The following SMAD9 variants were observed in gnomAD, a reference collection of about 807,000 sequenced individuals.
SMAD9 encodes the protein SMAD family member 9.
Under a neutral mutation model 46.1 loss-of-function variants are expected in SMAD9, and 36 were observed. That is an observed-to-expected ratio of 0.78 (90% CI 0.60 to 1.03). SMAD9 has a LOEUF of 1.03. SMAD9 is among the 50% of genes least tolerant of loss of function. SMAD9 has a pLI of 0.00. For synonymous variants in SMAD9, 245 were observed against 237.1 expected, an observed-to-expected ratio of 1.03 and a Z score of -0.31; for missense variants, 572 against 599.8, an observed-to-expected ratio of 0.95 and a Z score of 0.48.
chr13:36,855,056 A>C (rs1377381797), intron 5 of SMAD9, among the ~76,000 whole-genome samples: 1 of 152,020 alleles, frequency 6.6e-6, no homozygotes, highest in Non-Finnish European at 1.5e-5. Context: ...AAGGTAGGTG[A>C]ATCACTTGAG....
At position 36,865,557 on chromosome 13, in the gene SMAD9, G is replaced by A. The variant is rs2138380209; in HGVS notation, c.983C>T (p.Thr328Ile). ...CTTACCCTTTCCTATATGTCTCCTG[G>A]TATTTTCTATCGTTGAGTTTCTGTT... ...NVNRNSTIEN[T>I]RRHIGKGVHL... The change falls in exon 5 of 7, where the codon ACC (threonine) becomes ATC (isoleucine). Residue 328 changes from threonine to isoleucine, a missense_variant. Transcript: ENST00000379826. 6.2e-7 allele frequency: 1 copy of A among 1,613,328 alleles called. No homozygotes were observed. Among genetic ancestry groups the A allele is most frequent in the Non-Finnish European group, 8.5e-7 (1 of 1,179,358 alleles).
In SMAD9 at chr13:36,853,466, C is replaced by A; in HGVS notation, c.1213G>T (p.Val405Leu). The A allele has an allele frequency of 1.2e-6, 2 of 1,614,058 alleles. No homozygotes were observed. The highest frequency in any genetic ancestry group is 1.7e-6 in the Non-Finnish European group (2 of 1,179,980). The stretch of plus-strand genomic sequence containing the variant: ...GTACACATCTTGGTCAGTTCATACA[C>A]GACTTCAAAGCCGTGGTGAACTGAC... ...AQSVHHGFEV[V>L]YELTKMCTIR... Residue 405 changes from valine to leucine, a missense_variant, in exon 6 of 7, where the codon GTG (valine) becomes TTG (leucine). Coordinates refer to ENST00000379826, the MANE Select transcript of SMAD9 (RefSeq NM_001127217.3).
intron 1 of SMAD9, among the ~76,000 whole-genome samples, chr13:36,899,437 A>T (rs1376155686): frequency 6.6e-6 from 1 of 152,202 alleles, no homozygotes; most frequent in Admixed American, 6.5e-5. Flanking sequence ...TACATGAAAA[A>T]GTATGTAGAA....
rs372569783 is a variant in SMAD9, at chr13:36,879,718, C to G, written c.-29G>C. ...AGGCCACAGCAGGCTCCGGCGCGCACGGGAACCGCACAGCCCTTCACGGCA... is the reference window on the plus strand; with the variant it reads ...AGGCCACAGCAGGCTCCGGCGCGCAGGGGAACCGCACAGCCCTTCACGGCA... On this transcript the variant is annotated 5_prime_UTR_variant, in exon 2 of 7. Transcript: ENST00000379826. 4 of 1,612,188 alleles carry G rather than the reference C, an allele frequency of 2.5e-6. No individual in the cohort carries two copies. In the African/African-American group the frequency reaches 4.0e-5, roughly 16 times the overall value.
At chr13:36,909,340 T>TAATA (rs2058642390) in intron 1 of SMAD9, among the ~76,000 whole-genome samples, 1 of 152,202 alleles carries the variant, frequency 6.6e-6, no homozygotes, top group Non-Finnish European at 1.5e-5. Context: ...TTTTTCCATG[T>TAATA]AATAGTCTGA....
At chr13:36,866,735 G>A (rs964494364) in intron 4 of SMAD9, among the ~76,000 whole-genome samples, 3 of 152,120 alleles carry the variant, frequency 2.0e-5, no homozygotes, top group Non-Finnish European at 4.4e-5. Context: ...GCATTACAAG[G>A]AAGCTTAACA....
rs1421691179 is a variant in SMAD9, at chr13:36,847,671, A to G, written c.*1005T>C. On this transcript the variant is annotated 3_prime_UTR_variant, in exon 7 of 7. Coordinates refer to ENST00000379826, the MANE Select transcript of SMAD9 (RefSeq NM_001127217.3). Reference sequence around the variant, plus strand: ...ATCTGCAAAGAGTTAATATTTGCCAAGAGGCAGGAAAACGTGGCGAAAGAG... The same window carrying G: ...ATCTGCAAAGAGTTAATATTTGCCAGGAGGCAGGAAAACGTGGCGAAAGAG... 4 of 152,258 alleles carry G rather than the reference A, an allele frequency of 2.6e-5. No individual in the cohort carries two copies. Among genetic ancestry groups the G allele is most frequent in the Admixed American group, 2.6e-4 (4 of 15,284 alleles). The allele number at this position is 152,258 out of a possible 1,614,324, so 9.4% of individuals were successfully genotyped here. A position where few individuals can be genotyped will look rare whatever the true frequency, so the allele number is the denominator to read the frequency against.
At chr13:36,919,010 A>C (rs2058719823) in intron 1 of SMAD9, among the ~76,000 whole-genome samples, 1 of 152,180 alleles carries the variant, frequency 6.6e-6, no homozygotes, top group South Asian at 2.1e-4. Flanking sequence ...GTACTAGTAA[A>C]CTGGATCCAT....
chr13:36,893,758 T>C (rs2058507354), intron 1 of SMAD9, among the ~76,000 whole-genome samples: 1 of 152,048 alleles, frequency 6.6e-6, no homozygotes, highest in Non-Finnish European at 1.5e-5. Flanking sequence ...TTAAATTTCA[T>C]TTTAAAAATC....
At position 36,846,803 on chromosome 13, in the gene SMAD9, CA is replaced by C. The variant is rs1256289846; in HGVS notation, c.*1872del. The C allele has an allele frequency of 2.0e-5, 3 of 152,172 alleles. No homozygotes were observed. Among genetic ancestry groups the C allele is most frequent in the African/African-American group, 7.2e-5 (3 of 41,450 alleles). 9.4% of individuals were successfully genotyped at this position (152,172 alleles called of 1,614,324 possible). On this transcript the variant is annotated 3_prime_UTR_variant, in exon 7 of 7. Coordinates refer to ENST00000379826, the MANE Select transcript of SMAD9 (RefSeq NM_001127217.3). ...AGATAAGAAATCAATCACATTCTTTCAAGCAAAAGATGATAGATTACATTAT... is the reference window on the plus strand; with the variant it reads ...AGATAAGAAATCAATCACATTCTTTCAGCAAAAGATGATAGATTACATTAT...
intron 1 of SMAD9, among the ~76,000 whole-genome samples, chr13:36,889,166 T>TC (rs1247961326): frequency 1.3e-5 from 2 of 152,212 alleles, no homozygotes; most frequent in African/African-American, 4.8e-5. Context: ...ATTCATTTTT[T>TC]CCCACCCTTC....
chr13:36,848,629 C>G lies in SMAD9; in HGVS notation c.*47G>C. The G allele has an allele frequency of 6.3e-7, 1 of 1,583,352 alleles. No homozygotes were observed. Among genetic ancestry groups the G allele is most frequent in the Non-Finnish European group, 8.7e-7 (1 of 1,152,032 alleles). On this transcript the variant is annotated 3_prime_UTR_variant, in exon 7 of 7. Coordinates refer to ENST00000379826, the MANE Select transcript of SMAD9 (RefSeq NM_001127217.3). Reference sequence around the variant, plus strand: ...AAATCTGAAATGATACAAGCCACTCCCTGCAATAGCCTCTATCCTATGGAA... The same window carrying G: ...AAATCTGAAATGATACAAGCCACTCGCTGCAATAGCCTCTATCCTATGGAA...
chr13:36,912,255 T>C (rs1566043306), intron 1 of SMAD9, among the ~76,000 whole-genome samples: 1 of 152,158 alleles, frequency 6.6e-6, no homozygotes, highest in African/African-American at 2.4e-5. Context: ...TTGCCCTTCC[T>C]TCCACCTTAC....
intron 1 of SMAD9, among the ~76,000 whole-genome samples, chr13:36,883,350 G>A (rs922087518): frequency 6.6e-6 from 1 of 152,150 alleles, no homozygotes; most frequent in African/African-American, 2.4e-5. Flanking sequence ...AAAGAAGAAT[G>A]AAACAAACAA....
chr13:36,895,169 T>C (rs1008824398), intron 1 of SMAD9, among the ~76,000 whole-genome samples: 5 of 152,178 alleles, frequency 3.3e-5, no homozygotes, highest in Admixed American at 6.5e-5. Context: ...GGTCACCCCT[T>C]TTCTAATGAG....
At chr13:36,859,854 G>A (rs991119708) in intron 5 of SMAD9, among the ~76,000 whole-genome samples, 4 of 152,062 alleles carry the variant, frequency 2.6e-5, no homozygotes, top group South Asian at 2.1e-4. Context: ...CAGCTACTCA[G>A]GAGGCTGAGG....
intron 5 of SMAD9, among the ~76,000 whole-genome samples, chr13:36,859,506 G>C (rs775134512): frequency 2.4e-4 from 37 of 152,198 alleles, no homozygotes; most frequent in Non-Finnish European, 5.1e-4. Context: ...CCAAAACCAA[G>C]ATGGCGATGA....
chr13:36,894,625 CTG>C (rs1376200504), intron 1 of SMAD9, among the ~76,000 whole-genome samples: 1 of 152,124 alleles, frequency 6.6e-6, no homozygotes, highest in African/African-American at 2.4e-5. Flanking sequence ...ATCTTCATTC[CTG>C]TCTTTCTGCT....
chr13:36,865,858 A>G, intron 4 of SMAD9, 100 bp from the exon 5 acceptor site: 2 of 1,009,288 alleles, frequency 2.0e-6, no homozygotes, highest in South Asian at 2.7e-5. Context: ...TTCACCAGAA[A>G]GTCGGCTGCA....
Sources: gnomAD v4.1 joint callset for allele counts (sites outside exome capture counted in the v4.1 genomes callset) on GRCh38, gnomAD v4.1.1 for gene constraint, MANE v1.5 for transcripts, NCBI Gene and HGNC (gene_info 2026-07-23, HGNC 2026-07-21) for gene names.